The following PAX7 variants were observed in gnomAD, a reference collection of about 807,000 sequenced individuals.
The protein encoded by PAX7 is paired box 7, also known as paired box protein Pax-7.
PAX7 carries 18 observed loss-of-function variants against 50.7 expected under a neutral mutation model. The observed-to-expected ratio is 0.36, with a 90% CI of 0.25 to 0.53. PAX7 has a LOEUF of 0.53. PAX7 is among the 20% of genes least tolerant of loss of function. The pLI is 0.93. For synonymous variants in PAX7, 310 were observed against 290.4 expected, an observed-to-expected ratio of 1.07 and a Z score of -0.69; for missense variants, 644 against 702.9, an observed-to-expected ratio of 0.92 and a Z score of 0.95.
intron 7 of PAX7, among the ~76,000 whole-genome samples, chr1:18,722,332 G>A (rs933283593): frequency 2.0e-5 from 3 of 152,024 alleles, no homozygotes; most frequent in African/African-American, 7.3e-5. Flanking sequence ...AGCCTGCATC[G>A]CCAGCGAGAA....
intron 4 of PAX7, among the ~76,000 whole-genome samples, chr1:18,669,180 A>G (rs994915242): frequency 7.2e-5 from 11 of 152,274 alleles, no homozygotes; most frequent in African/African-American, 2.6e-4. Flanking sequence ...TGCCTGCTAG[A>G]TGCTGGGGCT....
At chr1:18,671,241 TGGA>T (rs1431334878) in intron 4 of PAX7, among the ~76,000 whole-genome samples, 2 of 152,162 alleles carry the variant, frequency 1.3e-5, no homozygotes, top group African/African-American at 2.4e-5. Context: ...GGGCCAGTGA[TGGA>T]GGAGGAATCC....
At chr1:18,661,765 A>G (rs982007659) in intron 4 of PAX7, among the ~76,000 whole-genome samples, 6 of 152,008 alleles carry the variant, frequency 3.9e-5, no homozygotes, top group African/African-American at 1.4e-4. Flanking sequence ...TTTGAAGCTT[A>G]GTGTGGCTCC....
chr1:18,744,805 T>G lies in PAX7; in HGVS notation c.1403-9T>G. ...CTCAATTTCTAGGAGAGTCTCTTCT[T>G]TTTTCCAGCTGCTGTTGATTATCTG... On this transcript the variant is annotated splice_polypyrimidine_tract_variant and intron_variant, in intron 8 of 8. Coordinates refer to ENST00000420770, the MANE Select transcript of PAX7 (RefSeq NM_001135254.2). 6.5e-7 allele frequency: 1 copy of G among 1,533,594 alleles called. No individual in the cohort carries two copies. Among genetic ancestry groups the G allele is most frequent in the Non-Finnish European group, 8.8e-7 (1 of 1,130,394 alleles). 95.0% of individuals were successfully genotyped at this position (1,533,594 alleles called of 1,614,324 possible). A position where few individuals can be genotyped will look rare whatever the true frequency, so the allele number is the denominator to read the frequency against.
intron 4 of PAX7, among the ~76,000 whole-genome samples, chr1:18,660,331 G>A (rs932738253): frequency 2.6e-5 from 4 of 152,124 alleles, no homozygotes; most frequent in Non-Finnish European, 4.4e-5. Context: ...TCTGACACAC[G>A]CCACATTCTT....
intron 4 of PAX7, among the ~76,000 whole-genome samples, chr1:18,670,757 C>T (rs1452607163): frequency 1.3e-5 from 2 of 152,200 alleles, no homozygotes; most frequent in African/African-American, 2.4e-5. Context: ...AGCCCGGGCC[C>T]GTGCGAGTCC....
At chr1:18,727,085 A>G (rs2089581272) in intron 7 of PAX7, among the ~76,000 whole-genome samples, 1 of 152,174 alleles carries the variant, frequency 6.6e-6, no homozygotes, top group Admixed American at 6.5e-5. Flanking sequence ...TGCACACACA[A>G]TACTCACAGA....
intron 4 of PAX7, among the ~76,000 whole-genome samples, chr1:18,688,425 G>T (rs1025851056): frequency 8.5e-5 from 13 of 152,196 alleles, no homozygotes; most frequent in African/African-American, 3.1e-4. Flanking sequence ...ATGCAAATTT[G>T]AATTACAATT....
chr1:18,704,249 G>A (rs973435093), intron 7 of PAX7, among the ~76,000 whole-genome samples: 2 of 152,202 alleles, frequency 1.3e-5, no homozygotes, highest in East Asian at 1.9e-4. Context: ...TGTAAATAAA[G>A]TTTTATTGGA....
intron 7 of PAX7, among the ~76,000 whole-genome samples, chr1:18,706,916 G>A (rs1449255459): frequency 1.3e-5 from 2 of 152,080 alleles, no homozygotes; most frequent in African/African-American, 2.4e-5. Flanking sequence ...CCGTGGGGAA[G>A]ACATGCCTCC....
At chr1:18,736,246 C>G in intron 8 of PAX7, 1 of 494,234 alleles carries the variant, frequency 2.0e-6, no homozygotes, top group Non-Finnish European at 3.6e-6. Context: ...AAACGAATCA[C>G]TTGAGCCCAG....
At chr1:18,672,115 G>C (rs1048928708) in intron 4 of PAX7, among the ~76,000 whole-genome samples, 19 of 152,158 alleles carry the variant, frequency 1.2e-4, no homozygotes, top group Admixed American at 6.5e-4. Context: ...GTTTGTTTCT[G>C]TCCCTCCTCA....
rs1048175757 is a variant in PAX7 at position 18,698,082 on chromosome 1, C to T, written c.787-2571C>T. Among the ~76,000 whole-genome samples, 7 of 152,040 alleles carry T rather than the reference C, an allele frequency of 4.6e-5. No homozygotes were observed. In the South Asian group the frequency reaches 6.2e-4, roughly 14 times the overall value. On this transcript the variant is annotated intron_variant, in intron 5 of 8. Coordinates refer to ENST00000420770, the MANE Select transcript of PAX7 (RefSeq NM_001135254.2). ...ATTCTTTTTTTGAGGAAAAGATGAG[C>T]GGCACCTAAGGACCTGCTGCTACAT...
intron 4 of PAX7, among the ~76,000 whole-genome samples, chr1:18,680,453 C>T (rs923684283): frequency 6.6e-6 from 1 of 152,176 alleles, no homozygotes; most frequent in African/African-American, 2.4e-5. Flanking sequence ...AGGCTGGGAG[C>T]TCAGCCTCCA....
rs576280733 is a variant in PAX7, at chr1:18,713,698, G to A, written c.1155+10402G>A. ...TTTAGTGTGATTTCTAGTCAGACAGGAAGACCAGAGGAAGTCTAGAGGAGG... is the reference window on the plus strand; with the variant it reads ...TTTAGTGTGATTTCTAGTCAGACAGAAAGACCAGAGGAAGTCTAGAGGAGG... On this transcript the variant is annotated intron_variant, in intron 7 of 8. Coordinates refer to ENST00000420770, the MANE Select transcript of PAX7 (RefSeq NM_001135254.2). Among the ~76,000 whole-genome samples the A allele has an allele frequency of 2.6e-5, 4 of 152,298 alleles. No homozygotes were observed. In the South Asian group the frequency reaches 8.3e-4, roughly 32 times the overall value.
intron 4 of PAX7, among the ~76,000 whole-genome samples, chr1:18,672,148 T>A (rs1315361282): frequency 6.6e-6 from 1 of 152,154 alleles, no homozygotes; most frequent in Non-Finnish European, 1.5e-5. Flanking sequence ...ATCAGCCTGA[T>A]GTCCAACCCT....
At chr1:18,652,090 G>C (rs1184647829) in intron 4 of PAX7, among the ~76,000 whole-genome samples, 1 of 151,912 alleles carries the variant, frequency 6.6e-6, no homozygotes, top group African/African-American at 2.4e-5. Context: ...AGAGAATCCC[G>C]GGCAGCAGCG....
chr1:18,698,923 T>C (rs2089181988), intron 5 of PAX7, among the ~76,000 whole-genome samples: 1 of 152,168 alleles, frequency 6.6e-6, no homozygotes, highest in Admixed American at 6.5e-5. Context: ...CCTGGCTGCA[T>C]TCCCCTCCCC....
At chr1:18,667,823 G>T (rs1048209435) in intron 4 of PAX7, among the ~76,000 whole-genome samples, 2 of 152,084 alleles carry the variant, frequency 1.3e-5, no homozygotes, top group African/African-American at 4.8e-5. Flanking sequence ...GGTTGATGAA[G>T]GTCCAATCTT....
Sources: gnomAD v4.1 joint callset for allele counts (sites outside exome capture counted in the v4.1 genomes callset) on GRCh38, gnomAD v4.1.1 for gene constraint, MANE v1.5 for transcripts, NCBI Gene and HGNC (gene_info 2026-07-23, HGNC 2026-07-21) for gene names.